Variants in SPOCK3 observed in about 807,000 individuals in gnomAD.
SPOCK3 encodes the protein testican-3.
A neutral mutation model predicts 56.6 loss-of-function variants in SPOCK3; 30 were observed. That is an observed-to-expected ratio of 0.53 (90% CI 0.40 to 0.72). SPOCK3 has a LOEUF of 0.72. Among genes scored for constraint, SPOCK3 ranks in the 30% least tolerant of loss-of-function variants. SPOCK3 has a pLI of 0.00. For missense variants in SPOCK3, 527 were observed against 530.0 expected, an observed-to-expected ratio of 0.99 and a Z score of 0.06; for synonymous variants, 196 against 183.3, an observed-to-expected ratio of 1.07 and a Z score of -0.56.
intron 3 of SPOCK3, among the ~76,000 whole-genome samples, chr4:167,032,411 C>T (rs1051257511): frequency 4.6e-5 from 7 of 151,904 alleles, no homozygotes; most frequent in African/African-American, 9.7e-5. Context: ...AGCTTGGCAC[C>T]GCTCTGCTGT....
intron 6 of SPOCK3, among the ~76,000 whole-genome samples, chr4:166,856,899 T>A (rs2126892785): frequency 6.6e-6 from 1 of 152,252 alleles, no homozygotes; most frequent in African/African-American, 2.4e-5. Flanking sequence ...AGTAGGTCAA[T>A]AAAAATTGAC....
intron 4 of SPOCK3, among the ~76,000 whole-genome samples, chr4:166,929,201 A>T (rs917679429): frequency 2.0e-5 from 3 of 152,114 alleles, no homozygotes; most frequent in African/African-American, 7.2e-5. Context: ...AGAAAGGCAG[A>T]ATGTTAGCTT....
At chr4:166,824,400 G>A (rs78584843) in intron 6 of SPOCK3, among the ~76,000 whole-genome samples, 1 of 152,128 alleles carries the variant, frequency 6.6e-6, no homozygotes, top group East Asian at 1.9e-4. Flanking sequence ...CTCTTACAGA[G>A]CCTAGATCTT....
chr4:166,903,640 G>A (rs1412681859), intron 5 of SPOCK3, among the ~76,000 whole-genome samples: 1 of 151,776 alleles, frequency 6.6e-6, no homozygotes, highest in Non-Finnish European at 1.5e-5. Context: ...CCGGATTGTA[G>A]TTATTGACAG....
At chr4:167,058,162 G>A (rs1445228387) in intron 3 of SPOCK3, among the ~76,000 whole-genome samples, 1 of 152,056 alleles carries the variant, frequency 6.6e-6, no homozygotes, top group Non-Finnish European at 1.5e-5. Context: ...CAATTAGGCA[G>A]GAGAAGGAAA....
At chr4:167,221,150 A>G (rs1735873158) in intron 2 of SPOCK3, among the ~76,000 whole-genome samples, 1 of 151,932 alleles carries the variant, frequency 6.6e-6, no homozygotes, top group African/African-American at 2.4e-5. Context: ...GCTTGAGCCT[A>G]AGAGTTTGAG....
chr4:167,151,021 T>C (rs184331953), intron 2 of SPOCK3, among the ~76,000 whole-genome samples: 2 of 152,332 alleles, frequency 1.3e-5, no homozygotes, highest in Non-Finnish European at 2.9e-5. Flanking sequence ...CAATATTGCA[T>C]CTGAGCCCAT....
intron 2 of SPOCK3, among the ~76,000 whole-genome samples, chr4:167,136,049 C>G (rs889522850): frequency 3.3e-5 from 5 of 151,570 alleles, no homozygotes; most frequent in African/African-American, 1.2e-4. Context: ...TTTTTTTTCC[C>G]TCTAAGGCAG....
At chr4:166,889,908 T>C (rs906994159) in intron 5 of SPOCK3, among the ~76,000 whole-genome samples, 14 of 152,112 alleles carry the variant, frequency 9.2e-5, no homozygotes, top group Middle Eastern at 3.4e-3. Context: ...AAACCAAATA[T>C]TTATGTAGCC....
intron 4 of SPOCK3, among the ~76,000 whole-genome samples, chr4:166,949,559 G>C (rs1742252242): frequency 6.6e-6 from 1 of 152,126 alleles, no homozygotes; most frequent in Non-Finnish European, 1.5e-5. Context: ...CCTTCTAACA[G>C]ACAGGACCCT....
At chr4:166,925,527 G>C (rs923255742) in intron 4 of SPOCK3, among the ~76,000 whole-genome samples, 2 of 151,968 alleles carry the variant, frequency 1.3e-5, no homozygotes, top group African/African-American at 2.4e-5. Flanking sequence ...ATAGCATTAT[G>C]ATAAATAATA....
At chr4:166,937,158 C>G (rs928420201) in intron 4 of SPOCK3, among the ~76,000 whole-genome samples, 5 of 151,624 alleles carry the variant, frequency 3.3e-5, no homozygotes, top group Admixed American at 1.3e-4. Flanking sequence ...TGGTAGATAC[C>G]AAAAATAAGC....
intron 3 of SPOCK3, among the ~76,000 whole-genome samples, chr4:167,026,453 G>T (rs1336936595): frequency 1.3e-5 from 2 of 152,030 alleles, no homozygotes; most frequent in Non-Finnish European, 2.9e-5. Context: ...TCTGCCTATT[G>T]GAAGTTCTCT....
intron 9 of SPOCK3, among the ~76,000 whole-genome samples, chr4:166,741,208 T>G (rs1006382010): frequency 6.6e-6 from 1 of 152,170 alleles, no homozygotes; most frequent in Non-Finnish European, 1.5e-5. Flanking sequence ...GTGGCAAAAC[T>G]GGTGACAACC....
chr4:167,187,588 A>G (rs1295857661), intron 2 of SPOCK3, among the ~76,000 whole-genome samples: 3 of 152,004 alleles, frequency 2.0e-5, no homozygotes, highest in Non-Finnish European at 4.4e-5. Flanking sequence ...GTAAAGTGCT[A>G]TGATTAATCT....
At chr4:166,987,885 G>A (rs1747339119) in intron 4 of SPOCK3, among the ~76,000 whole-genome samples, 1 of 152,054 alleles carries the variant, frequency 6.6e-6, no homozygotes, top group Non-Finnish European at 1.5e-5. Flanking sequence ...AGATTTGCCT[G>A]CAAAGAGCAG....
chr4:166,828,151 T>C (rs1745672267), intron 6 of SPOCK3, among the ~76,000 whole-genome samples: 1 of 152,050 alleles, frequency 6.6e-6, no homozygotes, highest in Admixed American at 6.6e-5. Context: ...TGTTGGTTGA[T>C]ATGTCCAATA....
chr4:166,916,448 T>A (rs1282812248), intron 4 of SPOCK3, among the ~76,000 whole-genome samples: 2 of 152,184 alleles, frequency 1.3e-5, no homozygotes, highest in Non-Finnish European at 2.9e-5. Context: ...CAGTCTCATA[T>A]GAAAGCTCAA....
intron 2 of SPOCK3, among the ~76,000 whole-genome samples, chr4:167,130,872 T>G (rs9968512): frequency 0.13 from 19,403 of 152,146 alleles, 1,487 homozygotes; most frequent in African/African-American, 0.2. Flanking sequence ...TACTAAAATA[T>G]GATCTTTACT....
Sources: allele counts gnomAD v4.1 joint callset (sites outside exome capture counted in the v4.1 genomes callset), GRCh38; gene constraint gnomAD v4.1.1; transcripts MANE v1.5; gene names NCBI Gene and HGNC (gene_info 2026-07-23, HGNC 2026-07-21).